The following ACBD6 variants were observed in gnomAD, a reference collection of about 807,000 sequenced individuals.
ACBD6 encodes acyl-CoA-binding domain-containing protein 6.
ACBD6 carries 28 observed loss-of-function variants against 37.2 expected under a neutral mutation model. The ratio of observed to expected loss-of-function variants is 0.75; its 90% confidence interval spans 0.56 to 1.03. The LOEUF (loss-of-function observed/expected upper bound fraction) is 1.03, where lower values mean the gene tolerates loss of function less well. Among genes scored for constraint, ACBD6 ranks in the 50% least tolerant of loss-of-function variants. The pLI is 0.00. For missense variants in ACBD6, 340 were observed against 337.4 expected (o/e 1.01, Z -0.06); for synonymous variants, 113 against 126.8 (o/e 0.89, Z 0.73).
chr1:180,329,640 G>C (rs2149299626), intron 6 of ACBD6, among the ~76,000 whole-genome samples: 1 of 152,228 alleles, frequency 6.6e-6, no homozygotes, highest in South Asian at 2.1e-4. Context: ...TCTAAGCATA[G>C]ACTATATTCT....
At chr1:180,355,476 G>A (rs1292932207) in intron 6 of ACBD6, among the ~76,000 whole-genome samples, 1 of 152,156 alleles carries the variant, frequency 6.6e-6, no homozygotes, top group Non-Finnish European at 1.5e-5. Flanking sequence ...CAGCAAGGAT[G>A]TCATAATAGC....
intron 6 of ACBD6, among the ~76,000 whole-genome samples, chr1:180,329,972 C>G (rs1370604395): frequency 6.6e-6 from 1 of 152,076 alleles, no homozygotes; most frequent in East Asian, 1.9e-4. Flanking sequence ...CCAGCCCACT[C>G]CTCAGTTTTC....
chr1:180,380,253 A>G (rs970846653), intron 6 of ACBD6, among the ~76,000 whole-genome samples: 1 of 140,036 alleles, frequency 7.1e-6, no homozygotes, highest in African/African-American at 2.5e-5. Context: ...TGTGGCAAAA[A>G]CAAACAAAAA....
intron 4 of ACBD6, among the ~76,000 whole-genome samples, chr1:180,414,751 A>G (rs902315437): frequency 6.6e-6 from 1 of 152,212 alleles, no homozygotes; most frequent in African/African-American, 2.4e-5. Flanking sequence ...AGAGAAAATG[A>G]TGTAGGTTTT....
In ACBD6 at chr1:180,430,273, G is replaced by T; in HGVS notation, c.385-11C>A. 6.2e-7 allele frequency: 1 copy of T among 1,609,940 alleles called. No individual in the cohort carries two copies. Among genetic ancestry groups the T allele is most frequent in the South Asian group, 1.1e-5 (1 of 90,954 alleles). On this transcript the variant is annotated splice_polypyrimidine_tract_variant and intron_variant, in intron 3 of 7. Coordinates refer to ENST00000367595, the MANE Select transcript of ACBD6 (RefSeq NM_032360.4). The stretch of plus-strand genomic sequence containing the variant: ...TTTCTTCTCTGGTATCTGTGGGAAG[G>T]AGAAAAAAAAGTGAAAAAAAGACAA...
At chr1:180,394,184 C>A (rs1208326471) in intron 6 of ACBD6, among the ~76,000 whole-genome samples, 1 of 152,142 alleles carries the variant, frequency 6.6e-6, no homozygotes, top group African/African-American at 2.4e-5. Context: ...ACCTCAAACT[C>A]CTGGGCTCAA....
At chr1:180,280,351 A>G (rs1365911921) in intron 9 of ACBD6, among the ~76,000 whole-genome samples, 2 of 126,636 alleles carry the variant, frequency 1.6e-5, no homozygotes, top group Non-Finnish European at 3.6e-5. Flanking sequence ...TCCTGGATAG[A>G]GAAAACTTAA....
chr1:180,424,006 T>A (rs78689565), intron 4 of ACBD6, among the ~76,000 whole-genome samples: 25 of 152,296 alleles, frequency 1.6e-4, no homozygotes, highest in South Asian at 1.4e-3. Flanking sequence ...TACATTTTTT[T>A]AAAACATTAA....
At chr1:180,441,246 G>A (rs1649269671) in intron 3 of ACBD6, among the ~76,000 whole-genome samples, 1 of 152,072 alleles carries the variant, frequency 6.6e-6, no homozygotes, top group Non-Finnish European at 1.5e-5. Flanking sequence ...GTATGAAGTG[G>A]CCCTGTTGAA....
chr1:180,271,169 T>C (rs141260362), exon 14 of ACBD6: 1 of 634,124 alleles, frequency 1.6e-6, no homozygotes, highest in Non-Finnish European at 2.9e-6. Context: ...AGGACTGCTG[T>C]CCTCACTTTT....
downstream of ACBD6, among the ~76,000 whole-genome samples, chr1:180,284,999 C>T (rs529892293): frequency 2.0e-5 from 3 of 152,064 alleles, no homozygotes; most frequent in South Asian, 6.2e-4. Flanking sequence ...AGTTGAGCCT[C>T]GTGGTGTGCA....
At chr1:180,388,421 C>T (rs1334492499) in intron 6 of ACBD6, among the ~76,000 whole-genome samples, 4 of 152,174 alleles carry the variant, frequency 2.6e-5, no homozygotes, top group Non-Finnish European at 4.4e-5. Flanking sequence ...ATCTTAAATG[C>T]ACTCTTTCAG....
chr1:180,322,139 T>C (rs954133143), intron 6 of ACBD6, among the ~76,000 whole-genome samples: 1 of 152,176 alleles, frequency 6.6e-6, no homozygotes, highest in African/African-American at 2.4e-5. Context: ...TTGTCCTTCA[T>C]TCTGATGATA....
At chr1:180,491,473 T>C (rs2102088996) in intron 3 of ACBD6, among the ~76,000 whole-genome samples, 1 of 152,326 alleles carries the variant, frequency 6.6e-6, no homozygotes, top group South Asian at 2.1e-4. Context: ...GCAATCCCTT[T>C]TCCTGCTGGA....
chr1:180,452,837 G>A (rs1314050380), intron 3 of ACBD6, among the ~76,000 whole-genome samples: 1 of 152,060 alleles, frequency 6.6e-6, no homozygotes, highest in Non-Finnish European at 1.5e-5. Context: ...ATTCCTGGAC[G>A]CATGCACCCT....
At chr1:180,376,112 A>G (rs1416555335) in intron 6 of ACBD6, among the ~76,000 whole-genome samples, 2 of 151,042 alleles carry the variant, frequency 1.3e-5, no homozygotes, top group Non-Finnish European at 3.0e-5. Flanking sequence ...AGAGAAATGA[A>G]AACTAAAACA....
At chr1:180,341,132 C>G (rs1026827574) in intron 6 of ACBD6, among the ~76,000 whole-genome samples, 1 of 152,010 alleles carries the variant, frequency 6.6e-6, no homozygotes, top group Non-Finnish European at 1.5e-5. Context: ...CTACTATATA[C>G]CAGGGACAAA....
intron 4 of ACBD6, among the ~76,000 whole-genome samples, chr1:180,422,367 G>A (rs56020568): frequency 0.044 from 6,724 of 152,052 alleles, 408 homozygotes; most frequent in African/African-American, 0.13. Flanking sequence ...CACCACTCAC[G>A]GCTAATTTTT....
chr1:180,430,410 G>A, intron 3 of ACBD6, 148 bp from the exon 4 acceptor site: 2 of 706,192 alleles, frequency 2.8e-6, no homozygotes, highest in Non-Finnish European at 4.9e-6. Flanking sequence ...CTTTTAAGGT[G>A]GTAACAGAAA....
Sources: gnomAD v4.1 joint callset for allele counts (sites outside exome capture counted in the v4.1 genomes callset) on GRCh38, gnomAD v4.1.1 for gene constraint, MANE v1.5 for transcripts, NCBI Gene and HGNC (gene_info 2026-07-23, HGNC 2026-07-21) for gene names.